PDLIM3: variants seen among roughly 807,000 people sequenced by gnomAD.
PDLIM3 encodes PDZ and LIM domain 3.
Under a neutral mutation model 37.3 loss-of-function variants are expected in PDLIM3, and 36 were observed. The observed-to-expected ratio is 0.97, with a 90% CI of 0.74 to 1.28. The LOEUF (loss-of-function observed/expected upper bound fraction) is 1.28. Ranked by LOEUF, PDLIM3 falls within the 50% of genes most tolerant of loss-of-function variation. The pLI is 0.00. For synonymous variants in PDLIM3, 174 were observed against 182.4 expected (o/e 0.95, Z 0.37); for missense variants, 454 against 485.0 (o/e 0.94, Z 0.60).
chr4:185,532,208 A>T (rs1031521086), intron 1 of PDLIM3, among the ~76,000 whole-genome samples: 23 of 152,234 alleles, frequency 1.5e-4, no homozygotes, highest in African/African-American at 5.3e-4. Flanking sequence ...TAATAAAGTC[A>T]TGTAAAAAGG....
rs1416742460 is a variant in PDLIM3, at chr4:185,500,707, G to T, written c.*1587C>A. The T allele has an allele frequency of 6.6e-6, 1 of 152,120 alleles. No homozygotes were observed. The highest frequency in any genetic ancestry group is 6.6e-5 in the Admixed American group (1 of 15,266). 9.4% of individuals were successfully genotyped at this position (152,120 alleles called of 1,614,324 possible). A position where few individuals can be genotyped will look rare whatever the true frequency, so the allele number is the denominator to read the frequency against. On this transcript the variant is annotated 3_prime_UTR_variant, in exon 8 of 8. Transcript: ENST00000284767. Reference sequence around the variant, plus strand: ...TTTTATTTTTTTAATAGCTTTGTTAGTGAATGCATGTGTTGGCACAGGAGT... The same window carrying T: ...TTTTATTTTTTTAATAGCTTTGTTATTGAATGCATGTGTTGGCACAGGAGT...
At chr4:185,530,999 C>G (rs1042585922) in intron 1 of PDLIM3, among the ~76,000 whole-genome samples, 3 of 148,682 alleles carry the variant, frequency 2.0e-5, no homozygotes, top group African/African-American at 7.8e-5. Flanking sequence ...TACACACACA[C>G]ACACACACAC....
intron 1 of PDLIM3, among the ~76,000 whole-genome samples, chr4:185,532,458 A>C (rs1260312039): frequency 6.6e-6 from 1 of 152,188 alleles, no homozygotes; most frequent in African/African-American, 2.4e-5. Context: ...TACTGAAAGA[A>C]GGCTTGGGGA....
At position 185,535,501 on chromosome 4, in the gene PDLIM3, G is replaced by T. The variant is rs1201814691; in HGVS notation, c.-67C>A. 2 of 1,409,856 alleles carry T rather than the reference G, an allele frequency of 1.4e-6. No individual in the cohort carries two copies. 87.3% of individuals were successfully genotyped at this position (1,409,856 alleles called of 1,614,324 possible). The stretch of plus-strand genomic sequence containing the variant: ...CAGGGCAGCCACTCCGCGCCGGGCG[G>T]CGTCCTGGCCCCGACCCGGGCGGGG... On this transcript the variant is annotated 5_prime_UTR_variant, in exon 1 of 8. Transcript: ENST00000284767.
chr4:185,506,238 T>C (rs1331043011), intron 6 of PDLIM3, among the ~76,000 whole-genome samples: 1 of 152,206 alleles, frequency 6.6e-6, no homozygotes, highest in African/African-American at 2.4e-5. Flanking sequence ...TTTAAAATGA[T>C]ATCTCATGAT....
chr4:185,515,581 C>T (rs1276002932), intron 3 of PDLIM3: 1 of 152,168 alleles, frequency 6.6e-6, no homozygotes, highest in Non-Finnish European at 1.5e-5. Context: ...AAGACCTCTT[C>T]ATGTTTACTC....
In PDLIM3 at chr4:185,500,891, C is replaced by A. The variant is rs1402612211; in HGVS notation, c.*1403G>T. ...ATGGGAGGAGAACACTTGTTTCAGGCCAGAAGTTAGCAGCTGTGGGGGTTG... is the reference window on the plus strand; with the variant it reads ...ATGGGAGGAGAACACTTGTTTCAGGACAGAAGTTAGCAGCTGTGGGGGTTG... On this transcript the variant is annotated 3_prime_UTR_variant, in exon 8 of 8. Transcript: ENST00000284767. 6.6e-6 allele frequency: 1 copy of A among 152,418 alleles called. No individual in the cohort carries two copies. The highest frequency in any genetic ancestry group is 6.5e-5 in the Admixed American group (1 of 15,278). 9.4% of individuals were successfully genotyped at this position (152,418 alleles called of 1,614,324 possible). A position where few individuals can be genotyped will look rare whatever the true frequency, so the allele number is the denominator to read the frequency against.
chr4:185,535,274 C>A (rs1471544660), intron 1 of PDLIM3, 68 bp downstream of exon 1: 3 of 1,388,192 alleles, frequency 2.2e-6, no homozygotes, highest in African/African-American at 1.5e-5. Context: ...CCCGGGGCAT[C>A]CACTGCGTCC....
Position 185,508,583 on chromosome 4 carries a change from TAC to T in PDLIM3, c.399-23_399-22del, listed in dbSNP as rs1233050357. ...ATCCACTGTGTTAATGGATACACGT[TAC>T]ACAGAGATGGCACCGGGAGCCAGAC... On this transcript the variant is annotated intron_variant, in intron 4 of 7. Transcript: ENST00000284767. 4 of 1,612,650 alleles carry T rather than the reference TAC, an allele frequency of 2.5e-6. No individual in the cohort carries two copies. In the African/African-American group the frequency reaches 4.0e-5, roughly 16 times the overall value.
At chr4:185,510,483 C>A (rs544537065) in intron 4 of PDLIM3, among the ~76,000 whole-genome samples, 3 of 152,074 alleles carry the variant, frequency 2.0e-5, no homozygotes, top group African/African-American at 7.2e-5. Flanking sequence ...ACTGTTGAAC[C>A]GAAGTTTTAC....
chr4:185,523,280 AT>A, intron 3 of PDLIM3, 81 bp downstream of exon 3: 4 of 929,290 alleles, frequency 4.3e-6, no homozygotes, highest in Non-Finnish European at 5.3e-6. Flanking sequence ...CAATTTTTCT[AT>A]TTGTCTCTTC....
rs969353962 is a variant in PDLIM3, at chr4:185,504,227, C to CT, written c.905+247dup. ...GACTTTTCAACATACATTTGGGCAT[C>CT]TTTTTTTTTTCATGAGAATCTATCT... is the stretch of plus-strand genomic sequence containing the variant. On this transcript the variant is annotated intron_variant, in intron 7 of 7. Coordinates refer to ENST00000284767, the MANE Select transcript of PDLIM3 (RefSeq NM_014476.6). The surrounding 1 kb of genome is among the most constrained non-coding windows in gnomAD (Gnocchi z 4.7). Among the ~76,000 whole-genome samples the CT allele has an allele frequency of 5.1e-4, 76 of 148,490 alleles. No individual in the cohort carries two copies. Among genetic ancestry groups the CT allele is most frequent in the South Asian group, 1.7e-3 (8 of 4,656 alleles).
Position 185,514,481 on chromosome 4 carries a change from G to A in PDLIM3, c.331-144C>T. On this transcript the variant is annotated intron_variant, in intron 3 of 7. Coordinates refer to ENST00000284767, the MANE Select transcript of PDLIM3 (RefSeq NM_014476.6). This position sits in a 1 kb window ranked among gnomAD's most constrained non-coding sequence, Gnocchi z 4.0. ...AGAAAGGCGATGACGGGACCAGGAC[G>A]ATGTCTTCTTTCCAACCATCTATCC... The A allele has an allele frequency of 1.3e-6, 2 of 1,514,184 alleles. No individual in the cohort carries two copies. Among genetic ancestry groups the A allele is most frequent in the South Asian group, 1.2e-5 (1 of 84,740 alleles). 93.8% of individuals were successfully genotyped at this position (1,514,184 alleles called of 1,614,324 possible).
chr4:185,507,998 T>C (rs1404990492), intron 5 of PDLIM3, among the ~76,000 whole-genome samples: 1 of 152,166 alleles, frequency 6.6e-6, no homozygotes, highest in Admixed American at 6.5e-5. Flanking sequence ...GAGAGACATA[T>C]ACATTTGGTC....
At chr4:185,535,072 C>T (rs2095751161) in intron 1 of PDLIM3, among the ~76,000 whole-genome samples, 1 of 152,238 alleles carries the variant, frequency 6.6e-6, no homozygotes. Context: ...TTCCCTGAGC[C>T]CAGTGGCTCT....
intron 1 of PDLIM3, 50 bp from the exon 2 acceptor site, chr4:185,525,221 G>A (rs1233401015): frequency 6.3e-7 from 1 of 1,580,382 alleles, no homozygotes; most frequent in African/African-American, 1.3e-5. Context: ...GCAGTATCTT[G>A]AGTTTTGTGC....
At chr4:185,515,020 G>A (rs933375509) in intron 3 of PDLIM3, 5 of 694,354 alleles carry the variant, frequency 7.2e-6, no homozygotes, top group South Asian at 7.2e-5. Context: ...AAGATTAGAG[G>A]AGGAGTTAGC....
At position 185,529,091 on chromosome 4, in the gene PDLIM3, G is replaced by C. The variant is rs567405517; in HGVS notation, c.94-3920C>G. Among the ~76,000 whole-genome samples, 13 of 152,242 alleles carry C rather than the reference G, an allele frequency of 8.5e-5. No homozygotes were observed. In the South Asian group the frequency reaches 2.3e-3, roughly 27 times the overall value. On this transcript the variant is annotated intron_variant, in intron 1 of 7. Coordinates refer to ENST00000284767, the MANE Select transcript of PDLIM3 (RefSeq NM_014476.6). ...TCTCAAATATCAAAAGTACCAGAGAGATCATTGAACACGGTACTGCAGTGA... is the reference window on the plus strand; with the variant it reads ...TCTCAAATATCAAAAGTACCAGAGACATCATTGAACACGGTACTGCAGTGA...
intron 4 of PDLIM3, chr4:185,513,875 G>C: frequency 8.6e-7 from 1 of 1,163,400 alleles, no homozygotes; most frequent in South Asian, 1.9e-5. Context: ...ATTCTGGCTT[G>C]TTCACCTGAT....
Sources: gnomAD v4.1 joint callset for allele counts (sites outside exome capture counted in the v4.1 genomes callset) on GRCh38, gnomAD v4.1.1 for gene constraint, Gnocchi (gnomAD v3.1) non-coding constraint, MANE v1.5 for transcripts, NCBI Gene and HGNC (gene_info 2026-07-23, HGNC 2026-07-21) for gene names.